The following SGCZ variants were observed in gnomAD, a reference collection of about 807,000 sequenced individuals.
The protein encoded by SGCZ is sarcoglycan zeta, also known as zeta-sarcoglycan.
SGCZ carries 40 observed loss-of-function variants against 41.3 expected under a neutral mutation model. The observed-to-expected ratio is 0.97, with a 90% CI of 0.75 to 1.26. SGCZ has a LOEUF of 1.26. Among genes scored for constraint, SGCZ ranks in the 50% most tolerant of loss-of-function variants. The pLI is 0.00. For synonymous variants in SGCZ, 206 were observed against 137.5 expected, an observed-to-expected ratio of 1.50 and a Z score of -3.49; for missense variants, 552 against 369.8, an observed-to-expected ratio of 1.49 and a Z score of -4.04.
At chr8:14,429,487 T>C (rs530320505) in intron 2 of SGCZ, among the ~76,000 whole-genome samples, 7 of 151,670 alleles carry the variant, frequency 4.6e-5, no homozygotes, top group Admixed American at 3.9e-4. Flanking sequence ...TGAGATGAGG[T>C]TAAGAGTCAA....
intron 1 of SGCZ, among the ~76,000 whole-genome samples, chr8:14,628,625 T>C (rs903662396): frequency 6.6e-6 from 1 of 152,060 alleles, no homozygotes; most frequent in Non-Finnish European, 1.5e-5. Context: ...AAATAGCTGA[T>C]TAGGCAAAAT....
At chr8:14,315,843 T>G (rs1554498615) in intron 3 of SGCZ, among the ~76,000 whole-genome samples, 1 of 148,282 alleles carries the variant, frequency 6.7e-6, no homozygotes, top group South Asian at 2.1e-4. Flanking sequence ...CTAAGTAAAA[T>G]AAAAAAAAAT....
chr8:14,110,789 G>A (rs972175342), intron 5 of SGCZ, among the ~76,000 whole-genome samples: 5 of 151,998 alleles, frequency 3.3e-5, no homozygotes, highest in East Asian at 1.9e-4. Context: ...ACAGTGGCTC[G>A]TGCCTGGAAT....
intron 7 of SGCZ, among the ~76,000 whole-genome samples, chr8:14,101,866 TAAATTACACA>T (rs1380125286): frequency 6.6e-6 from 1 of 151,850 alleles, no homozygotes; most frequent in East Asian, 1.9e-4. Context: ...TGGAAAAGTT[TAAATTACACA>T]AATATGTACT....
rs1205664222 is a variant in SGCZ at position 15,117,203 on chromosome 8, C to CA, written c.39+120381dup. Among the ~76,000 whole-genome samples, 4 of 152,042 alleles carry CA rather than the reference C, an allele frequency of 2.6e-5. No homozygotes were observed. In the East Asian group the frequency reaches 7.8e-4, roughly 30 times the overall value. On this transcript the variant is annotated intron_variant, in intron 1 of 7. Transcript: ENST00000382080. ...TGAAACCCCGTCTCTACTAAAAATA[C>CA]AAAAAATTAGCTGGGCGCGGTAGCA... is the stretch of plus-strand genomic sequence containing the variant.
intron 1 of SGCZ, among the ~76,000 whole-genome samples, chr8:15,165,775 T>C (rs2117051118): frequency 1.3e-5 from 2 of 152,306 alleles, no homozygotes; most frequent in South Asian, 4.1e-4. Flanking sequence ...AAAGCTGAAG[T>C]TGCAAAGAAG....
chr8:14,611,805 T>C (rs1014805511), intron 1 of SGCZ, among the ~76,000 whole-genome samples: 5 of 151,874 alleles, frequency 3.3e-5, no homozygotes, highest in Admixed American at 6.6e-5. Context: ...TAAAATACAG[T>C]ATGTAAACAC....
chr8:14,442,746 T>C (rs1800308360), intron 2 of SGCZ, among the ~76,000 whole-genome samples: 1 of 152,342 alleles, frequency 6.6e-6, no homozygotes, highest in Non-Finnish European at 1.5e-5. Context: ...GTTTCATTGA[T>C]TGACCTTAGG....
At chr8:14,409,641 G>C (rs1799307274) in intron 2 of SGCZ, among the ~76,000 whole-genome samples, 1 of 152,046 alleles carries the variant, frequency 6.6e-6, no homozygotes, top group Non-Finnish European at 1.5e-5. Context: ...AGACACTCCT[G>C]CTATTACATG....
chr8:14,967,993 GC>G (rs1010106011), intron 1 of SGCZ, among the ~76,000 whole-genome samples: 1 of 152,030 alleles, frequency 6.6e-6, no homozygotes, highest in Non-Finnish European at 1.5e-5. Context: ...AAATGAATGG[GC>G]AATGCAATAA....
chr8:15,217,062 A>G (rs542805765), intron 1 of SGCZ, among the ~76,000 whole-genome samples: 1 of 152,148 alleles, frequency 6.6e-6, no homozygotes, highest in Non-Finnish European at 1.5e-5. Flanking sequence ...AAAAAAAAAA[A>G]AATTGTTAGG....
rs78014540 is a variant in SGCZ at position 15,001,804 on chromosome 8, T to C, written c.39+235781A>G. 2.4e-3 allele frequency among the ~76,000 whole-genome samples: 359 copies of C among 151,436 alleles called. 2 individuals are homozygous for C. Among genetic ancestry groups the C allele is most frequent in the African/African-American group, 7.6e-3 (314 of 41,222 alleles). On this transcript the variant is annotated intron_variant, in intron 1 of 7. Coordinates refer to ENST00000382080, the MANE Select transcript of SGCZ (RefSeq NM_139167.4). ...GATTAATATTTATTAAGCACTTTCATGAAATGCATGCCATTATTATCTTCA... is the reference window on the plus strand; with the variant it reads ...GATTAATATTTATTAAGCACTTTCACGAAATGCATGCCATTATTATCTTCA...
At chr8:14,301,283 C>G (rs1465480304) in intron 3 of SGCZ, among the ~76,000 whole-genome samples, 1 of 151,936 alleles carries the variant, frequency 6.6e-6, no homozygotes, top group Non-Finnish European at 1.5e-5. Flanking sequence ...ATCTCCTCTT[C>G]TTCATGGAGC....
chr8:14,737,369 T>C (rs541935735), intron 1 of SGCZ, among the ~76,000 whole-genome samples: 1 of 152,186 alleles, frequency 6.6e-6, no homozygotes, highest in East Asian at 1.9e-4. Context: ...AGCAAGCTAA[T>C]GTGACCCATT....
At chr8:15,012,582 T>TAA (rs1344394830) in intron 1 of SGCZ, among the ~76,000 whole-genome samples, 4 of 106,296 alleles carry the variant, frequency 3.8e-5, no homozygotes, top group Non-Finnish European at 6.5e-5. Flanking sequence ...TATATTTATA[T>TAA]AACATATAAA....
At chr8:14,853,789 C>G (rs1404739271) in intron 1 of SGCZ, among the ~76,000 whole-genome samples, 2 of 151,876 alleles carry the variant, frequency 1.3e-5, no homozygotes, top group African/African-American at 4.8e-5. Flanking sequence ...GCTTTTCTAA[C>G]TACTGTTGGA....
intron 2 of SGCZ, among the ~76,000 whole-genome samples, chr8:14,356,428 G>A (rs1184830059): frequency 6.6e-6 from 1 of 152,020 alleles, no homozygotes; most frequent in Non-Finnish European, 1.5e-5. Context: ...GAAAAATCAT[G>A]ATGAACAAAT....
chr8:14,534,958 C>T (rs2117135104), intron 2 of SGCZ, among the ~76,000 whole-genome samples: 1 of 152,024 alleles, frequency 6.6e-6, no homozygotes, highest in African/African-American at 2.4e-5. Context: ...ATCGATAATG[C>T]AAGAATGACG....
chr8:14,426,186 A>C (rs1258775775), intron 2 of SGCZ, among the ~76,000 whole-genome samples: 2 of 152,168 alleles, frequency 1.3e-5, no homozygotes, highest in African/African-American at 4.8e-5. Flanking sequence ...TCTTCCATTA[A>C]GCTTAATTTC....
Sources: allele counts gnomAD v4.1 joint callset (sites outside exome capture counted in the v4.1 genomes callset), GRCh38; gene constraint gnomAD v4.1.1; transcripts MANE v1.5; gene names NCBI Gene and HGNC (gene_info 2026-07-23, HGNC 2026-07-21).